Variants in KCNIP4 observed in about 807,000 individuals in gnomAD.
KCNIP4 encodes potassium voltage-gated channel interacting protein 4, also known as Kv channel-interacting protein 4.
Under a neutral mutation model 34.0 loss-of-function variants are expected in KCNIP4, and 12 were observed. That is an observed-to-expected ratio of 0.35 (90% CI 0.23 to 0.57). KCNIP4 has a LOEUF of 0.57. Ranked by LOEUF, KCNIP4 falls within the 20% of genes least tolerant of loss-of-function variation. KCNIP4 has a pLI of 0.83. For synonymous variants in KCNIP4, 124 were observed against 102.2 expected, an observed-to-expected ratio of 1.21 and a Z score of -1.29; for missense variants, 238 against 311.7, an observed-to-expected ratio of 0.76 and a Z score of 1.78.
rs188581872 is a variant in KCNIP4, at chr4:21,630,665, G to A, written c.61+317906C>T. Among the ~76,000 whole-genome samples the A allele has an allele frequency of 7.9e-5, 12 of 151,914 alleles. No homozygotes were observed. In the South Asian group the frequency reaches 8.3e-4, roughly 11 times the overall value. ...TAGTGCTTTTCTCAAACCTCTCTTC[G>A]CTGCAGATACGATGATTGAAAACAA... On this transcript the variant is annotated intron_variant, in intron 1 of 8. Coordinates refer to ENST00000382152, the MANE Select transcript of KCNIP4 (RefSeq NM_025221.6).
In KCNIP4 at chr4:21,013,293, G is replaced by A. The variant is rs139763729; in HGVS notation, c.62-130584C>T. Among the ~76,000 whole-genome samples, 568 of 152,256 alleles carry A rather than the reference G, an allele frequency of 3.7e-3. 3 individuals carry two copies. The highest frequency in any genetic ancestry group is 0.013 in the African/African-American group (541 of 41,546). On this transcript the variant is annotated intron_variant, in intron 1 of 8. Transcript: ENST00000382152. ...AATGAAGATTGCAGGAATTAGGTTA[G>A]GAGGTGAAGACTTTCAGGGAGGTAG...
In KCNIP4 at chr4:21,169,088, G is replaced by C. The variant is rs570093762; in HGVS notation, c.62-286379C>G. Among the ~76,000 whole-genome samples, 67 of 152,290 alleles carry C rather than the reference G, an allele frequency of 4.4e-4. 1 individual carries two copies. Among genetic ancestry groups the C allele is most frequent in the African/African-American group, 1.6e-3 (65 of 41,552 alleles). On this transcript the variant is annotated intron_variant, in intron 1 of 8. Transcript: ENST00000382152. ...CTCCCTGTGAAGAGTTGATGTACGTGCATGTTAAGTCAACCTATAGCTACA... is the reference window on the plus strand; with the variant it reads ...CTCCCTGTGAAGAGTTGATGTACGTCCATGTTAAGTCAACCTATAGCTACA...
intron 1 of KCNIP4, among the ~76,000 whole-genome samples, chr4:21,309,959 G>C (rs1712959404): frequency 6.6e-6 from 1 of 152,010 alleles, no homozygotes; most frequent in African/African-American, 2.4e-5. Context: ...GATACTAGGT[G>C]GTATTTTTCT....
At chr4:21,130,762 T>C (rs964532219) in intron 1 of KCNIP4, among the ~76,000 whole-genome samples, 6 of 152,186 alleles carry the variant, frequency 3.9e-5, no homozygotes, top group African/African-American at 4.8e-5. Context: ...TAAAATACTA[T>C]AGTATATAAA....
At chr4:21,469,789 A>G (rs529638659) in intron 1 of KCNIP4, among the ~76,000 whole-genome samples, 15 of 152,246 alleles carry the variant, frequency 9.9e-5, no homozygotes, top group African/African-American at 2.9e-4. Context: ...CAAAGTGTAC[A>G]TGTGATAATA....
At chr4:21,864,235 A>G (rs895795032) in intron 1 of KCNIP4, among the ~76,000 whole-genome samples, 1 of 152,236 alleles carries the variant, frequency 6.6e-6, no homozygotes, top group Non-Finnish European at 1.5e-5. Context: ...CATGGATAAT[A>G]CTGCAATATA....
intron 5 of KCNIP4, among the ~76,000 whole-genome samples, chr4:20,743,294 C>A (rs1334297940): frequency 6.6e-6 from 1 of 152,042 alleles, no homozygotes; most frequent in Non-Finnish European, 1.5e-5. Flanking sequence ...GGAACCAAAA[C>A]AGAGCCCACA....
intron 1 of KCNIP4, among the ~76,000 whole-genome samples, chr4:21,779,531 T>C (rs1841182): frequency 0.49 from 74,882 of 152,006 alleles, 20,370 homozygotes; most frequent in Non-Finnish European, 0.63. Flanking sequence ...TGTCACATTG[T>C]ACACCATAAA....
intron 1 of KCNIP4, among the ~76,000 whole-genome samples, chr4:21,815,238 T>C (rs1721921237): frequency 6.6e-6 from 1 of 152,190 alleles, no homozygotes; most frequent in Non-Finnish European, 1.5e-5. Flanking sequence ...CAACCTCATC[T>C]GTAAAAAGGG....
intron 1 of KCNIP4, among the ~76,000 whole-genome samples, chr4:21,716,310 C>T (rs1714373640): frequency 6.6e-6 from 1 of 151,984 alleles, no homozygotes; most frequent in Non-Finnish European, 1.5e-5. Flanking sequence ...GATCTCGGCT[C>T]ACTGCACCCT....
intron 1 of KCNIP4, among the ~76,000 whole-genome samples, chr4:21,369,195 T>C (rs941651479): frequency 6.8e-6 from 1 of 147,408 alleles, no homozygotes; most frequent in Non-Finnish European, 1.5e-5. Context: ...ATTACGTTTA[T>C]AGACTTCTAG....
intron 7 of KCNIP4, among the ~76,000 whole-genome samples, chr4:20,732,340 C>G (rs6811505): frequency 0.33 from 50,232 of 151,968 alleles, 8,756 homozygotes; most frequent in African/African-American, 0.44. Context: ...ACAGAGCTTG[C>G]GCAATTTGCT....
chr4:20,914,685 G>C (rs1422948966), intron 1 of KCNIP4, among the ~76,000 whole-genome samples: 1 of 152,162 alleles, frequency 6.6e-6, no homozygotes, highest in Non-Finnish European at 1.5e-5. Flanking sequence ...GCTGGTCCCA[G>C]GGTCTAATTG....
intron 1 of KCNIP4, among the ~76,000 whole-genome samples, chr4:21,892,419 GA>G (rs1727150625): frequency 6.6e-6 from 1 of 151,778 alleles, no homozygotes; most frequent in African/African-American, 2.4e-5. Context: ...GAACAATAGG[GA>G]AGTTTTTGTG....
intron 1 of KCNIP4, among the ~76,000 whole-genome samples, chr4:21,364,869 A>C (rs77434971): frequency 6.6e-6 from 1 of 152,196 alleles, no homozygotes; most frequent in East Asian, 1.9e-4. Context: ...GAAAAAGTAC[A>C]TGAGTTGGAC....
At position 21,377,827 on chromosome 4, in the gene KCNIP4, T is replaced by C. The variant is rs931110136; in HGVS notation, c.62-495118A>G. On this transcript the variant is annotated intron_variant, in intron 1 of 8. Coordinates refer to ENST00000382152, the MANE Select transcript of KCNIP4 (RefSeq NM_025221.6). ...AACCAGAGTGAGATAGAGAAATGAGTTGATTTCTGTAAACCAAACTTCTCA... is the reference window on the plus strand; with the variant it reads ...AACCAGAGTGAGATAGAGAAATGAGCTGATTTCTGTAAACCAAACTTCTCA... Among the ~76,000 whole-genome samples, 56 of 152,232 alleles carry C rather than the reference T, an allele frequency of 3.7e-4. 1 individual carries two copies. Among genetic ancestry groups the C allele is most frequent in the South Asian group, 6.2e-4 (3 of 4,826 alleles).
At chr4:21,799,388 C>T (rs1720853029) in intron 1 of KCNIP4, among the ~76,000 whole-genome samples, 1 of 152,112 alleles carries the variant, frequency 6.6e-6, no homozygotes, top group South Asian at 2.1e-4. Flanking sequence ...CTTTATATTA[C>T]CAACATTTTA....
At chr4:21,220,382 G>T (rs1002184872) in intron 1 of KCNIP4, among the ~76,000 whole-genome samples, 8 of 152,146 alleles carry the variant, frequency 5.3e-5, no homozygotes, top group East Asian at 1.9e-4. Flanking sequence ...CTAAGGAATA[G>T]AAGTTCTCAC....
At chr4:21,110,866 C>T (rs537887171) in intron 1 of KCNIP4, among the ~76,000 whole-genome samples, 12 of 152,208 alleles carry the variant, frequency 7.9e-5, no homozygotes, top group East Asian at 3.9e-4. Flanking sequence ...AGACCAGAAC[C>T]GTGAGAAATA....
Sources: gnomAD v4.1 joint callset for allele counts (sites outside exome capture counted in the v4.1 genomes callset) on GRCh38, gnomAD v4.1.1 for gene constraint, MANE v1.5 for transcripts, NCBI Gene and HGNC (gene_info 2026-07-23, HGNC 2026-07-21) for gene names.